Variants in NCOA1 observed in about 807,000 individuals in gnomAD.
NCOA1 encodes the protein nuclear receptor coactivator 1.
In NCOA1, 35 loss-of-function variants were observed where a neutral mutation model predicts 150.9. The ratio of observed to expected loss-of-function variants is 0.23; its 90% confidence interval spans 0.18 to 0.31. NCOA1 has a LOEUF of 0.31. NCOA1 is among the 10% of genes least tolerant of loss of function. NCOA1 has a pLI of 1.00. For synonymous variants in NCOA1, 590 were observed against 630.0 expected (o/e 0.94, Z 0.95); for missense variants, 1,491 against 1,749.3 (o/e 0.85, Z 2.63).
chr2:24,726,790 C>T, intron 15 of NCOA1, 84 bp downstream of exon 15: 1 of 668,296 alleles, frequency 1.5e-6, no homozygotes. Flanking sequence ...ACATTTCAGT[C>T]TACAGTGGTA....
rs966739861 is a variant in NCOA1 at position 24,768,608 on chromosome 2, T to C, written c.*217T>C. 14 of 345,386 alleles carry C rather than the reference T, an allele frequency of 4.1e-5. No individual in the cohort carries two copies. The highest frequency in any genetic ancestry group is 2.9e-4 in the African/African-American group (14 of 47,626). The allele number at this position is 345,386 out of a possible 1,614,324, so 21.4% of individuals were successfully genotyped here. On this transcript the variant is annotated 3_prime_UTR_variant, in exon 23 of 23. Transcript: ENST00000348332. ...CTTTCTTTGTAAAGGCCTTGGATAT[T>C]GAAAAAATACCAAGGCAGAACAGTT...
chr2:24,551,943 G>A (rs1163334843), intron 1 of NCOA1, among the ~76,000 whole-genome samples: 2 of 152,058 alleles, frequency 1.3e-5, no homozygotes, highest in Non-Finnish European at 2.9e-5. Flanking sequence ...ACTTTTGTTT[G>A]AAATCAGTTG....
intron 21 of NCOA1, among the ~76,000 whole-genome samples, chr2:24,761,733 C>T (rs1290332281): frequency 1.3e-5 from 2 of 152,074 alleles, no homozygotes; most frequent in African/African-American, 4.8e-5. Flanking sequence ...GAGCTTTGTT[C>T]TAGGAAATGG....
At chr2:24,745,765 C>T (rs1242193076) in intron 19 of NCOA1, among the ~76,000 whole-genome samples, 1 of 152,196 alleles carries the variant, frequency 6.6e-6, no homozygotes, top group Non-Finnish European at 1.5e-5. Flanking sequence ...TTAACTTGTA[C>T]AAACCTAGAC....
chr2:24,494,790 C>T (rs974505363), intron 1 of NCOA1, among the ~76,000 whole-genome samples: 19 of 152,078 alleles, frequency 1.2e-4, no homozygotes, highest in African/African-American at 3.6e-4. Flanking sequence ...ATAAATTTCT[C>T]CCTATCTTAG....
intron 1 of NCOA1, among the ~76,000 whole-genome samples, chr2:24,542,098 G>A (rs1025187717): frequency 1.6e-4 from 24 of 152,182 alleles, no homozygotes; most frequent in African/African-American, 5.3e-4. Context: ...TGGGAAGATA[G>A]ACATGGAGAT....
At chr2:24,700,143 C>CCAATAA (rs149322712) in intron 11 of NCOA1, among the ~76,000 whole-genome samples, 18 of 143,090 alleles carry the variant, frequency 1.3e-4, no homozygotes, top group Non-Finnish European at 2.0e-4. Flanking sequence ...AACTTCATCG[C>CCAATAA]TAATAATAAT....
chr2:24,570,698 A>G (rs1666708433), intron 2 of NCOA1, among the ~76,000 whole-genome samples: 2 of 152,216 alleles, frequency 1.3e-5, no homozygotes, highest in African/African-American at 2.4e-5. Flanking sequence ...TATTCTTGCC[A>G]AAAAAGTTGA....
At chr2:24,740,710 TC>T (rs1663559182) in intron 18 of NCOA1, among the ~76,000 whole-genome samples, 1 of 152,222 alleles carries the variant, frequency 6.6e-6, no homozygotes, top group South Asian at 2.1e-4. Flanking sequence ...AAATTATAAA[TC>T]TTAGTGCTAG....
At chr2:24,748,323 C>T (rs1000320985) in intron 19 of NCOA1, among the ~76,000 whole-genome samples, 3 of 151,328 alleles carry the variant, frequency 2.0e-5, no homozygotes, top group Non-Finnish European at 1.5e-5. Context: ...AAAATTCTAG[C>T]CTATAAGGCC....
At chr2:24,669,163 T>C (rs11895626) in intron 6 of NCOA1, among the ~76,000 whole-genome samples, 23,113 of 152,230 alleles carry the variant, frequency 0.15, 2,122 homozygotes, top group Non-Finnish European at 0.21. Context: ...CAAATTAGCA[T>C]GTTACTAAGA....
At chr2:24,667,436 C>T (rs979547654) in intron 6 of NCOA1, among the ~76,000 whole-genome samples, 10 of 152,094 alleles carry the variant, frequency 6.6e-5, no homozygotes, top group Admixed American at 2.6e-4. Context: ...GAACAAAAAG[C>T]CAGGTATTGG....
intron 17 of NCOA1, among the ~76,000 whole-genome samples, chr2:24,730,943 C>A (rs1662976141): frequency 7.0e-6 from 1 of 142,698 alleles, no homozygotes; most frequent in African/African-American, 2.6e-5. Flanking sequence ...GAGGTTGAGG[C>A]AGGAGAATCA....
At chr2:24,721,273 ATTGTAAT>A (rs1482354315) in intron 14 of NCOA1, among the ~76,000 whole-genome samples, 1 of 152,104 alleles carries the variant, frequency 6.6e-6, no homozygotes, top group Non-Finnish European at 1.5e-5. Flanking sequence ...GATGATATTT[ATTGTAAT>A]TTGGGGTTCA....
intron 1 of NCOA1, among the ~76,000 whole-genome samples, chr2:24,517,803 G>T (rs1664267881): frequency 1.3e-5 from 2 of 152,096 alleles, no homozygotes; most frequent in African/African-American, 2.4e-5. Flanking sequence ...TGTTTCTAGT[G>T]AAAATTATGG....
Position 24,768,706 on chromosome 2 carries a change from G to T in NCOA1, c.*315G>T. The T allele has an allele frequency of 4.4e-6, 1 of 228,850 alleles. No individual in the cohort carries two copies. Among genetic ancestry groups the T allele is most frequent in the Non-Finnish European group, 8.6e-6 (1 of 115,650 alleles). The allele number at this position is 228,850 out of a possible 1,614,324, so 14.2% of individuals were successfully genotyped here. On this transcript the variant is annotated 3_prime_UTR_variant, in exon 23 of 23. Transcript: ENST00000348332. ...TCAGTCATTGGCTTCTTATCTGGAT[G>T]AAGGCTTTTGGAGGAGAACCAAAAC...
intron 12 of NCOA1, among the ~76,000 whole-genome samples, chr2:24,706,038 A>G (rs1041081536): frequency 2.6e-5 from 4 of 151,934 alleles, no homozygotes; most frequent in African/African-American, 9.7e-5. Flanking sequence ...AACATCTGCT[A>G]TGTCTGCATA....
At chr2:24,572,707 G>A (rs1208820378) in intron 2 of NCOA1, among the ~76,000 whole-genome samples, 2 of 152,116 alleles carry the variant, frequency 1.3e-5, no homozygotes, top group African/African-American at 4.8e-5. Context: ...GTGTACTGAA[G>A]CAACCTTTTA....
At chr2:24,689,783 A>C (rs1012825120) in intron 8 of NCOA1, among the ~76,000 whole-genome samples, 14 of 152,194 alleles carry the variant, frequency 9.2e-5, no homozygotes, top group African/African-American at 3.4e-4. Flanking sequence ...AGTACATGAG[A>C]AGAGAGCTCT....
Sources: allele counts gnomAD v4.1 joint callset (sites outside exome capture counted in the v4.1 genomes callset), GRCh38; gene constraint gnomAD v4.1.1; transcripts MANE v1.5; gene names NCBI Gene and HGNC (gene_info 2026-07-23, HGNC 2026-07-21).